Variants in IQCE observed in about 807,000 individuals in gnomAD.
IQCE encodes IQ motif containing E, also known as IQ domain-containing protein E.
In IQCE, 115 loss-of-function variants were observed where a neutral mutation model predicts 96.0. The ratio of observed to expected loss-of-function variants is 1.20; its 90% CI spans 1.03 to 1.40. The LOEUF (loss-of-function observed/expected upper bound fraction) is 1.40. Ranked by LOEUF, IQCE falls within the 40% of genes most tolerant of loss-of-function variation. The pLI is 0.00. For missense variants in IQCE, 1,041 were observed against 909.1 expected, an observed-to-expected ratio of 1.15 and a Z score of -1.87; for synonymous variants, 412 against 371.2, an observed-to-expected ratio of 1.11 and a Z score of -1.26.
chr7:2,592,687 G>T (rs967830021), intron 14 of IQCE, among the ~76,000 whole-genome samples: 1 of 152,292 alleles, frequency 6.6e-6, no homozygotes, highest in Admixed American at 6.5e-5. Flanking sequence ...CGGACCCCGC[G>T]CCTGCCTGCA....
intron 17 of IQCE, among the ~76,000 whole-genome samples, chr7:2,601,236 C>T (rs1784408717): frequency 6.6e-6 from 1 of 152,172 alleles, no homozygotes; most frequent in African/African-American, 2.4e-5. Flanking sequence ...TGGAGAATTC[C>T]CGCCATCCTA....
rs145899944 is a variant in IQCE, at chr7:2,614,510, C to T, written c.*4348C>T. ...ACGGCTGGGTAAGCACCCTTAAAAG[C>T]AACAGAAATGACGTCTGGAAGCTGA... is the stretch of plus-strand genomic sequence containing the variant. On this transcript the variant is annotated 3_prime_UTR_variant, in exon 22 of 22. Transcript: ENST00000402050. 19 of 152,342 alleles carry T rather than the reference C, an allele frequency of 1.2e-4. No individual in the cohort carries two copies. The highest frequency in any genetic ancestry group is 4.6e-4 in the African/African-American group (19 of 41,570). The allele number at this position is 152,342 out of a possible 1,614,324, so 9.4% of individuals were successfully genotyped here. A position where few individuals can be genotyped will look rare whatever the true frequency, so the allele number is the denominator to read the frequency against.
intron 16 of IQCE, chr7:2,597,242 T>A (rs1312445061): frequency 2.4e-6 from 1 of 416,586 alleles, no homozygotes; most frequent in African/African-American, 2.1e-5. Flanking sequence ...CCTGGGTGAT[T>A]AAGGCTGAGA....
intron 5 of IQCE, among the ~76,000 whole-genome samples, chr7:2,572,544 A>T (rs543874774): frequency 6.6e-6 from 1 of 152,214 alleles, no homozygotes; most frequent in South Asian, 2.1e-4. Flanking sequence ...GGGTGCAGGG[A>T]TATCTCGCCA....
chr7:2,567,225 C>T (rs1781446093), intron 2 of IQCE, 62 bp downstream of exon 2: 7 of 1,308,004 alleles, frequency 5.4e-6, no homozygotes, highest in South Asian at 2.4e-5. Flanking sequence ...TTGCAGACTG[C>T]ACTCGGAAGC....
At chr7:2,605,667 GATAA>G (rs1784762248) in intron 19 of IQCE, among the ~76,000 whole-genome samples, 1 of 138,534 alleles carries the variant, frequency 7.2e-6, no homozygotes, top group Non-Finnish European at 1.6e-5. Flanking sequence ...TAAATAAATA[GATAA>G]ATAAGAATCC....
In IQCE at chr7:2,587,822, G is replaced by T. The variant is rs1265893231; in HGVS notation, c.989G>T (p.Gly330Val). The T allele has an allele frequency of 3.1e-6, 5 of 1,613,954 alleles. No individual in the cohort carries two copies. Among genetic ancestry groups the T allele is most frequent in the Non-Finnish European group, 4.2e-6 (5 of 1,179,962 alleles). The change falls in exon 13 of 22, where the codon GGT becomes GTT. Residue 330 changes from glycine (G) to valine (V), a missense_variant and splice_region_variant. Gly to Val is a moderately radical substitution (Grantham distance 109). Coordinates refer to ENST00000402050, the MANE Select transcript of IQCE (RefSeq NM_152558.5). ...TTTGAAACCGCATTGCTTCCATCAG[G>T]TTATGTGGAGTGGAGCAAGCCCCGG... ...STSPTISKTQ[G>V]YVEWSKPRLL...
chr7:2,601,516 A>G lies in IQCE; in HGVS notation c.1632+52A>G, dbSNP rs780544692. 1.7e-5 allele frequency: 22 copies of G among 1,323,014 alleles called. No individual in the cohort carries two copies. In the East Asian group the frequency reaches 5.0e-4, roughly 30 times the overall value. The allele number at this position is 1,323,014 out of a possible 1,614,324, so 82.0% of individuals were successfully genotyped here. On this transcript the variant is annotated intron_variant, in intron 18 of 21. Coordinates refer to ENST00000402050, the MANE Select transcript of IQCE (RefSeq NM_152558.5). The stretch of plus-strand genomic sequence containing the variant: ...AAATTCGGATTTGTATTTTGTTGAA[A>G]AGTAGGTGAGGGGATATTTAAAGAT...
At chr7:2,566,892 G>T (rs79803770) in intron 1 of IQCE, among the ~76,000 whole-genome samples, 5,757 of 152,326 alleles carry the variant, frequency 0.038, 370 homozygotes, top group African/African-American at 0.13. Context: ...TTGCACGCCT[G>T]CTGGGCGGCG....
chr7:2,571,483 G>A (rs1298036171), intron 3 of IQCE, 43 bp from the exon 4 acceptor site: 1 of 1,602,888 alleles, frequency 6.2e-7, no homozygotes, highest in Non-Finnish European at 8.5e-7. Context: ...GAGCTCACAT[G>A]TTGCTGTCCG....
chr7:2,593,153 A>G (rs749607246), intron 15 of IQCE, 27 bp downstream of exon 15: 25 of 1,595,370 alleles, frequency 1.6e-5, no homozygotes, highest in Middle Eastern at 1.8e-4. Context: ...AGGGCTGGAG[A>G]GGACCCAGGC....
At chr7:2,608,852 GTT>G (rs151032063) in intron 21 of IQCE, among the ~76,000 whole-genome samples, 18,871 of 152,244 alleles carry the variant, frequency 0.12, 1,226 homozygotes, top group Admixed American at 0.16. Context: ...GAGCTGATTG[GTT>G]GTTTTTGAAG....
chr7:2,605,408 C>T (rs1031032980), intron 19 of IQCE, among the ~76,000 whole-genome samples: 1 of 152,120 alleles, frequency 6.6e-6, no homozygotes, highest in Non-Finnish European at 1.5e-5. Flanking sequence ...ATCACAAGGT[C>T]AGGAGATCGA....
At chr7:2,582,208 T>C (rs1782727582) in intron 8 of IQCE, 1 of 387,762 alleles carries the variant, frequency 2.6e-6, no homozygotes, top group Non-Finnish European at 5.2e-6. Flanking sequence ...CCCTAGGGGC[T>C]TCAGGTCTGT....
intron 5 of IQCE, chr7:2,572,598 A>G (rs1781838735): frequency 1.6e-6 from 1 of 611,096 alleles, no homozygotes; most frequent in Non-Finnish European, 3.0e-6. Flanking sequence ...GGCGTACTTA[A>G]ATTTATTCAT....
chr7:2,589,541 A>T (rs1181551641), intron 13 of IQCE, among the ~76,000 whole-genome samples: 1 of 152,008 alleles, frequency 6.6e-6, no homozygotes, highest in African/African-American at 2.4e-5. Context: ...CCAGGATGTC[A>T]CTCGAGACTG....
chr7:2,609,499 C>G (rs1466232592), intron 21 of IQCE, among the ~76,000 whole-genome samples: 2 of 152,224 alleles, frequency 1.3e-5, no homozygotes, highest in African/African-American at 2.4e-5. Context: ...TCCTGGACTG[C>G]TGCTGTGGGA....
At chr7:2,588,303 A>G (rs971729492) in intron 13 of IQCE, among the ~76,000 whole-genome samples, 1 of 152,124 alleles carries the variant, frequency 6.6e-6, no homozygotes, top group African/African-American at 2.4e-5. Flanking sequence ...GCAAAGTAGG[A>G]ATTAGGCTGA....
At chr7:2,571,381 C>A (rs560067923) in intron 3 of IQCE, 145 bp from the exon 4 acceptor site, 3 of 984,588 alleles carry the variant, frequency 3.0e-6, no homozygotes, top group Non-Finnish European at 4.6e-6. Flanking sequence ...GGTAAAGTAA[C>A]TCTTTTTTCA....
Sources: allele counts gnomAD v4.1 joint callset (sites outside exome capture counted in the v4.1 genomes callset), GRCh38; gene constraint gnomAD v4.1.1; transcripts MANE v1.5; gene names NCBI Gene and HGNC (gene_info 2026-07-23, HGNC 2026-07-21).